Variants in CREB3L1 observed in about 807,000 individuals in gnomAD.
CREB3L1 encodes cAMP responsive element binding protein 3 like 1.
Under a neutral mutation model 54.5 loss-of-function variants are expected in CREB3L1, and 33 were observed. The observed-to-expected ratio is 0.61, with a 90% CI of 0.46 to 0.81. CREB3L1 has a LOEUF of 0.81. CREB3L1 is among the 30% of genes least tolerant of loss of function. CREB3L1 has a pLI of 0.00. For missense variants in CREB3L1, 656 were observed against 673.3 expected (o/e 0.97, Z 0.29); for synonymous variants, 284 against 286.4 (o/e 0.99, Z 0.08).
At chr11:46,310,608 G>A (rs938880803) in intron 4 of CREB3L1, among the ~76,000 whole-genome samples, 10 of 151,688 alleles carry the variant, frequency 6.6e-5, no homozygotes, top group African/African-American at 9.7e-5. Flanking sequence ...TGCTGCCATC[G>A]CTCCTGCTTG....
intron 1 of CREB3L1, among the ~76,000 whole-genome samples, chr11:46,286,585 G>A (rs1265269206): frequency 6.6e-6 from 1 of 152,152 alleles, no homozygotes; most frequent in African/African-American, 2.4e-5. Context: ...AGTAGTTTGA[G>A]ACCAGCCTGG....
intron 1 of CREB3L1, among the ~76,000 whole-genome samples, chr11:46,293,398 G>T (rs1339791909): frequency 6.6e-6 from 1 of 152,228 alleles, no homozygotes; most frequent in African/African-American, 2.4e-5. Flanking sequence ...GGGCTGCCTG[G>T]TAAGAAGATG....
chr11:46,280,618 T>C (rs1458703887), intron 1 of CREB3L1, among the ~76,000 whole-genome samples: 1 of 152,244 alleles, frequency 6.6e-6, no homozygotes, highest in East Asian at 1.9e-4. Flanking sequence ...ATGCCTGGCA[T>C]GTAACGTTCA....
intron 1 of CREB3L1, among the ~76,000 whole-genome samples, chr11:46,280,197 G>GTT (rs200037362): frequency 0.18 from 25,434 of 144,874 alleles, 2,229 homozygotes; most frequent in African/African-American, 0.21. Context: ...TTTGTTTTTT[G>GTT]TTTTTTTTCA....
At chr11:46,296,613 G>C (rs1272963071) in intron 1 of CREB3L1, among the ~76,000 whole-genome samples, 2 of 152,160 alleles carry the variant, frequency 1.3e-5, no homozygotes, top group African/African-American at 2.4e-5. Context: ...AGCGCTCTAG[G>C]GGAGTCCCTG....
chr11:46,320,396 G>A lies in CREB3L1; in HGVS notation c.1391G>A (p.Arg464Gln), dbSNP rs199553915. 50 of 1,610,696 alleles carry A rather than the reference G, an allele frequency of 3.1e-5. No homozygotes were observed. Among genetic ancestry groups the A allele is most frequent in the Admixed American group, 2.0e-4 (12 of 59,506 alleles). The change falls in exon 11 of 12, where the codon CGG (arginine) becomes CAG (glutamine). Residue 464 changes from arginine to glutamine, a missense_variant. Arg to Gln is a conservative substitution (Grantham distance 43). Transcript: ENST00000621158. ...NPGGPAEQRP[R>Q]DHLQHDHLDS... The stretch of plus-strand genomic sequence containing the variant: ...GGGGGGCCGGCAGAGCAGCGGCCCC[G>A]GGACCACCTGCAGCATGATCACCTG...
chr11:46,306,758 T>C (rs899730925), intron 2 of CREB3L1, among the ~76,000 whole-genome samples: 7 of 151,920 alleles, frequency 4.6e-5, no homozygotes, highest in African/African-American at 1.7e-4. Context: ...CTGGCTTGTA[T>C]TTATTGAACA....
chr11:46,312,983 C>A, intron 8 of CREB3L1, 64 bp downstream of exon 8: 1 of 1,256,176 alleles, frequency 8.0e-7, no homozygotes, highest in Non-Finnish European at 1.1e-6. Flanking sequence ...CCTGGCTCTG[C>A]ATAGCTCTGG....
At chr11:46,280,650 A>T (rs1938955973) in intron 1 of CREB3L1, among the ~76,000 whole-genome samples, 2 of 152,148 alleles carry the variant, frequency 1.3e-5, no homozygotes, top group South Asian at 4.1e-4. Flanking sequence ...ATCCATAGAG[A>T]CTGGATGGGC....
chr11:46,312,396 C>A lies in CREB3L1; in HGVS notation c.825C>A (p.Tyr275Ter), dbSNP rs757961691. The A allele has an allele frequency of 6.2e-7, 1 of 1,613,698 alleles. No individual in the cohort carries two copies. ...EEKRTLIAEG[Y>*]PIPTKLPLTK... is the part of the protein sequence containing the mutation. ...AGCGGACCCTGATTGCTGAGGGCTA[C>A]CCCATCCCCACAAAACTCCCCCTCA... Residue 275 changes from tyrosine (Y) to a stop codon, truncating the protein, a stop_gained, in exon 6 of 12, where the codon TAC becomes TAA. Coordinates refer to ENST00000621158, the MANE Select transcript of CREB3L1 (RefSeq NM_052854.4). LOFTEE classifies it high-confidence loss of function.
At chr11:46,319,810 C>T (rs902625563) in intron 10 of CREB3L1, among the ~76,000 whole-genome samples, 3 of 150,196 alleles carry the variant, frequency 2.0e-5, no homozygotes, top group South Asian at 2.1e-4. Context: ...GCTCGGGAGG[C>T]GGAGATTGCA....
At chr11:46,299,856 T>G in intron 1 of CREB3L1, 79 bp from the exon 2 acceptor site, 1 of 1,007,894 alleles carries the variant, frequency 9.9e-7, no homozygotes, top group Non-Finnish European at 1.6e-6. Flanking sequence ...GGTGGGGTGC[T>G]GCACCACCAC....
intron 2 of CREB3L1, 76 bp downstream of exon 2, chr11:46,300,239 A>G: frequency 8.6e-7 from 1 of 1,162,684 alleles, no homozygotes. Flanking sequence ...GTGACAAGAG[A>G]GTGTGCCTGC....
In CREB3L1 at chr11:46,307,986, C is replaced by T; in HGVS notation, c.502C>T (p.Pro168Ser). ...GGGCCTCAGCCCCTTGTCCAGGCTGCCCATCCCCCACCAGGTGAGCCTGGG... is the reference window on the plus strand; with the variant it reads ...GGGCCTCAGCCCCTTGTCCAGGCTGTCCATCCCCCACCAGGTGAGCCTGGG... Reference protein sequence around the residue: ...LLGLSPLSRLPIPHQAPGEMT... With the variant: ...LLGLSPLSRLSIPHQAPGEMT... The change falls in exon 3 of 12, where the codon CCC (proline) becomes TCC (serine). Residue 168 changes from proline (P) to serine (S), a missense_variant. Transcript: ENST00000621158. The T allele has an allele frequency of 2.6e-6, 4 of 1,547,570 alleles. No individual in the cohort carries two copies. The highest frequency in any genetic ancestry group is 3.5e-6 in the Non-Finnish European group (4 of 1,148,326).
chr11:46,307,552 A>C (rs539743510), intron 2 of CREB3L1, among the ~76,000 whole-genome samples: 1 of 152,288 alleles, frequency 6.6e-6, no homozygotes, highest in African/African-American at 2.4e-5. Flanking sequence ...TTAAGCAACT[A>C]GCCTAAGGTC....
At chr11:46,307,700 G>A in intron 2 of CREB3L1, 116 bp from the exon 3 acceptor site, 1 of 798,508 alleles carries the variant, frequency 1.3e-6, no homozygotes, top group South Asian at 2.8e-5. Flanking sequence ...TTTCCTGCCT[G>A]CCCCCTGGTC....
intron 10 of CREB3L1, 96 bp from the exon 11 acceptor site, chr11:46,320,168 G>C: frequency 7.3e-7 from 1 of 1,368,294 alleles, no homozygotes; most frequent in Non-Finnish European, 9.8e-7. Flanking sequence ...CTGGGACTCA[G>C]ATCCAGGGCC....
intron 2 of CREB3L1, among the ~76,000 whole-genome samples, chr11:46,305,065 C>T (rs924023953): frequency 1.3e-5 from 2 of 152,134 alleles, no homozygotes; most frequent in African/African-American, 2.4e-5. Context: ...TGCCTCTCCC[C>T]GACCACAGCA....
chr11:46,306,816 G>T (rs1377208929), intron 2 of CREB3L1, among the ~76,000 whole-genome samples: 1 of 150,204 alleles, frequency 6.7e-6, no homozygotes, highest in Non-Finnish European at 1.5e-5. Context: ...TGTCTGTCTA[G>T]GCTGGAGTGC....
Sources: allele counts gnomAD v4.1 joint callset (sites outside exome capture counted in the v4.1 genomes callset), GRCh38; gene constraint gnomAD v4.1.1; transcripts MANE v1.5; gene names NCBI Gene and HGNC (gene_info 2026-07-23, HGNC 2026-07-21).